Variants in PIAS3 observed in about 807,000 individuals in gnomAD.
PIAS3 encodes the protein protein inhibitor of activated STAT 3.
PIAS3 carries 34 observed loss-of-function variants against 67.6 expected under a neutral mutation model. The observed-to-expected ratio is 0.50, with a 90% CI of 0.38 to 0.67. PIAS3 has a LOEUF of 0.67. PIAS3 is among the 30% of genes least tolerant of loss of function. The pLI, the probability that PIAS3 is intolerant of heterozygous loss-of-function variation, is 0.00. For missense variants in PIAS3, 693 were observed against 791.6 expected, an observed-to-expected ratio of 0.88 and a Z score of 1.49; for synonymous variants, 341 against 313.8, an observed-to-expected ratio of 1.09 and a Z score of -0.92.
rs782441124 is a variant in PIAS3, at chr1:145,859,004, AG to A, written c.-15del. 5.2e-6 allele frequency: 8 copies of A among 1,542,676 alleles called. No individual in the cohort carries two copies. The East Asian group carries it at 1.8e-4, about 35-fold the overall frequency. Reference sequence around the variant, plus strand: ...CAGCTCCGCCATCTTGAGACATCGCAGGCGCCCCAGCCGGAGCCGGAGCTCA... The same window carrying A: ...CAGCTCCGCCATCTTGAGACATCGCAGCGCCCCAGCCGGAGCCGGAGCTCA... On this transcript the variant is annotated 5_prime_UTR_variant, in exon 1 of 14. Transcript: ENST00000393045.
chr1:145,848,707 C>A lies in PIAS3; in HGVS notation c.*739G>T. 1 of 500,752 alleles carries A rather than the reference C, an allele frequency of 2.0e-6. No homozygotes were observed. The highest frequency in any genetic ancestry group is 3.5e-6 in the Non-Finnish European group (1 of 283,880). The allele number at this position is 500,752 out of a possible 1,614,324, so 31.0% of individuals were successfully genotyped here. ...CAGGCCTAACTACAGGGCCATGAGC[C>A]TCTAGAAGCTTAGGGGGGAATAAGA... On this transcript the variant is annotated 3_prime_UTR_variant, in exon 14 of 14. Coordinates refer to ENST00000393045, the MANE Select transcript of PIAS3 (RefSeq NM_006099.3).
Position 145,849,455 on chromosome 1 carries a change from G to T in PIAS3, c.1878C>A (p.Ser626=). The change falls in exon 14 of 14, where the codon TCC becomes TCA. Residue 626 remains serine, a synonymous_variant. Transcript: ENST00000393045. ...CCATAATCCAGGGAACTCAGTCCAGGGAAATGATGTCTGACCGACAGCCAG... is the reference window on the plus strand; with the variant it reads ...CCATAATCCAGGGAACTCAGTCCAGTGAAATGATGTCTGACCGACAGCCAG... ...SLTGCRSDII[S]LD 6.7e-7 allele frequency: 1 copy of T among 1,500,740 alleles called. No homozygotes were observed. The highest frequency in any genetic ancestry group is 1.4e-5 in the South Asian group (1 of 72,946). The allele number at this position is 1,500,740 out of a possible 1,614,324, so 93.0% of individuals were successfully genotyped here. A position where few individuals can be genotyped will look rare whatever the true frequency, so the allele number is the denominator to read the frequency against.
At position 145,850,501 on chromosome 1, in the gene PIAS3, G is replaced by A. The variant is rs1652911959; in HGVS notation, c.1534C>T (p.Pro512Ser). 3 of 1,614,038 alleles carry A rather than the reference G, an allele frequency of 1.9e-6. No homozygotes were observed. Among genetic ancestry groups the A allele is most frequent in the South Asian group, 2.2e-5 (2 of 91,084 alleles). ...AAGGCAGGTGGGTACTCATGTAGTGGGAGACTGGACAGGAAATCCCCACCC... is the reference window on the plus strand; with the variant it reads ...AAGGCAGGTGGGTACTCATGTAGTGAGAGACTGGACAGGAAATCCCCACCC... The part of the protein sequence containing the change: ...TLGGDFLSSL[P>S]LHEYPPAFPL... Residue 512 changes from proline to serine, a missense_variant, in exon 12 of 14, where the codon CCA becomes TCA. This residue lies in a region of PIAS3 where 270 missense variants were observed against 261.0 expected (regional missense o/e 1.03). Coordinates refer to ENST00000393045, the MANE Select transcript of PIAS3 (RefSeq NM_006099.3).
Position 145,858,947 on chromosome 1 carries a change from TG to T in PIAS3, c.24+19del, listed in dbSNP as rs587603675. 2.6e-3 allele frequency: 3,927 copies of T among 1,518,502 alleles called. 71 individuals are homozygous for T. In the South Asian group the frequency reaches 0.03, roughly 11 times the overall value. 94.1% of individuals were successfully genotyped at this position (1,518,502 alleles called of 1,614,324 possible). On this transcript the variant is annotated intron_variant, in intron 1 of 13. Transcript: ENST00000393045. ...CCGCCGGGCTGAGTCCAGATGGGGA[TG>T]GGGGGAGGGGGCCGGTACCTTTAAT...
Position 145,850,344 on chromosome 1 carries a change from T to C in PIAS3, c.1583-75A>G, listed in dbSNP as rs587632394. ...CACCAAAAGACAAAGCACTGTGGAC[T>C]GTGGCCCCTTGCAGGAGAAGCAGGA... On this transcript the variant is annotated intron_variant, in intron 12 of 13. Coordinates refer to ENST00000393045, the MANE Select transcript of PIAS3 (RefSeq NM_006099.3). The C allele has an allele frequency of 2.5e-6, 4 of 1,612,690 alleles. No homozygotes were observed. The East Asian group carries it at 6.7e-5, about 27-fold the overall frequency.
intron 1 of PIAS3, among the ~76,000 whole-genome samples, 166 bp downstream of exon 1, chr1:145,858,801 C>G (rs1216458544): frequency 6.6e-6 from 1 of 151,686 alleles, no homozygotes; most frequent in Admixed American, 6.6e-5. Context: ...GGAGCCCCGC[C>G]GCAGCCCCTT....
intron 13 of PIAS3, chr1:145,849,980 C>T: frequency 7.0e-7 from 1 of 1,428,946 alleles, no homozygotes; most frequent in Non-Finnish European, 9.1e-7. Context: ...AGGCATGGTG[C>T]TCTAAGTGCA....
intron 5 of PIAS3, 27 bp from the exon 6 acceptor site, chr1:145,854,907 G>C (rs781823111): frequency 3.7e-6 from 6 of 1,612,848 alleles, no homozygotes; most frequent in Non-Finnish European, 5.1e-6. Context: ...TTGGTCAGTG[G>C]AGAAGTGGCT....
chr1:145,852,896 T>C (rs1195570897), intron 9 of PIAS3, among the ~76,000 whole-genome samples: 1 of 152,126 alleles, frequency 6.6e-6, no homozygotes, highest in Non-Finnish European at 1.5e-5. Flanking sequence ...CATAGGGTTA[T>C]TGTGAGGATT....
chr1:145,848,671 G>A lies in PIAS3; in HGVS notation c.*775C>T. The A allele has an allele frequency of 7.0e-6, 4 of 574,602 alleles. No homozygotes were observed. Among genetic ancestry groups the A allele is most frequent in the South Asian group, 6.4e-5 (3 of 46,562 alleles). The allele number at this position is 574,602 out of a possible 1,614,324, so 35.6% of individuals were successfully genotyped here. On this transcript the variant is annotated 3_prime_UTR_variant, in exon 14 of 14. Coordinates refer to ENST00000393045, the MANE Select transcript of PIAS3 (RefSeq NM_006099.3). ...GGTCCTTCCACCTCCCTGGAAAGGT[G>A]CAGAATGAGCCAGGCCTAACTACAG...
chr1:145,852,217 T>C (rs1652991283), intron 9 of PIAS3, among the ~76,000 whole-genome samples: 1 of 152,066 alleles, frequency 6.6e-6, no homozygotes, highest in African/African-American at 2.4e-5. Context: ...ATGATTGTGC[T>C]ACTATACTCC....
chr1:145,856,514 T>C lies in PIAS3; in HGVS notation c.442+75A>G, dbSNP rs587743901. 1.4e-5 allele frequency: 23 copies of C among 1,599,438 alleles called. No homozygotes were observed. The African/African-American group carries it at 1.7e-4, about 12-fold the overall frequency. On this transcript the variant is annotated intron_variant, in intron 2 of 13. Coordinates refer to ENST00000393045, the MANE Select transcript of PIAS3 (RefSeq NM_006099.3). ...CCCCCATCCCAGGTCACTGATCCCA[T>C]AGGACTAAAGCCTAAGAAATGTTTG...
rs782551695 is a variant in PIAS3 at position 145,849,611 on chromosome 1, G to A, written c.1722C>T (p.Ala574=). 34 of 1,613,532 alleles carry A rather than the reference G, an allele frequency of 2.1e-5. 1 individual carries two copies. The South Asian group carries it at 3.6e-4, about 17-fold the overall frequency. The change falls in exon 14 of 14, where the codon GCC becomes GCT. Residue 574 remains alanine, a synonymous_variant. Transcript: ENST00000393045. Reference sequence around the variant, plus strand: ...TGCAGTGGGAGCTCCCCAGCGTGGGGGCCAGTGGGCCCAGAAAGTGAGAAG... The same window carrying A: ...TGCAGTGGGAGCTCCCCAGCGTGGGAGCCAGTGGGCCCAGAAAGTGAGAAG... ...GTPSHFLGPL[A]PTLGSSHCSA... is the part of the protein sequence containing the mutation.
chr1:145,849,840 AG>A, intron 13 of PIAS3, 128 bp from the exon 14 acceptor site: 1 of 1,480,124 alleles, frequency 6.8e-7, no homozygotes. Flanking sequence ...CTTGAGAAGC[AG>A]GAGAGCCTCT....
chr1:145,857,135 G>A (rs587598945), intron 1 of PIAS3, 129 bp from the exon 2 acceptor site: 5 of 798,934 alleles, frequency 6.3e-6, no homozygotes, highest in Non-Finnish European at 1.0e-5. Context: ...ATGCTTCGCA[G>A]CTAGTGGATT....
intron 8 of PIAS3, 30 bp from the exon 9 acceptor site, chr1:145,853,694 G>A (rs1480831287): frequency 1.2e-6 from 2 of 1,610,566 alleles, no homozygotes; most frequent in Non-Finnish European, 1.7e-6. Context: ...CTTGTCAGAG[G>A]CCCTACTCTG....
chr1:145,857,051 G>T, intron 1 of PIAS3, 45 bp from the exon 2 acceptor site: 2 of 1,553,356 alleles, frequency 1.3e-6, no homozygotes, highest in Non-Finnish European at 1.8e-6. Context: ...CCTTGCACAG[G>T]CCTGCCCTGC....
chr1:145,854,442 G>T lies in PIAS3; in HGVS notation c.910+16C>A, dbSNP rs1553735073. 10 of 1,557,050 alleles carry T rather than the reference G, an allele frequency of 6.4e-6. No individual in the cohort carries two copies. Among genetic ancestry groups the T allele is most frequent in the African/African-American group, 1.4e-5 (1 of 73,876 alleles). ...AATCCAGATCAGGTGGGGAAGAGAG[G>T]AAAGATGTTACTCACTCAGTGCCCG... On this transcript the variant is annotated intron_variant, in intron 7 of 13. Transcript: ENST00000393045.
intron 1 of PIAS3, chr1:145,857,274 G>T (rs1227636726): frequency 1.6e-5 from 8 of 503,750 alleles, no homozygotes; most frequent in African/African-American, 3.8e-5. Flanking sequence ...CAGCCAGAGT[G>T]GGGCAGGGAA....
Sources: allele counts gnomAD v4.1 joint callset (sites outside exome capture counted in the v4.1 genomes callset), GRCh38; gene constraint gnomAD v4.1.1; regional missense constraint gnomAD v4.1.1; transcripts MANE v1.5; gene names NCBI Gene and HGNC (gene_info 2026-07-23, HGNC 2026-07-21).